Variants in ITGB5 observed in about 807,000 individuals in gnomAD.
ITGB5 encodes integrin beta-5.
ITGB5 carries 38 observed loss-of-function variants against 84.8 expected under a neutral mutation model. The ratio of observed to expected loss-of-function variants is 0.45; its 90% CI spans 0.35 to 0.59. The LOEUF (loss-of-function observed/expected upper bound fraction) is 0.59, where lower values mean the gene tolerates loss of function less well. ITGB5 is among the 20% of genes least tolerant of loss of function. ITGB5 has a pLI of 0.01. For synonymous variants in ITGB5, 393 were observed against 414.4 expected (o/e 0.95, Z 0.63); for missense variants, 905 against 1,034.5 (o/e 0.87, Z 1.72).
At chr3:124,818,459 TG>T (rs1209244057) in intron 7 of ITGB5, among the ~76,000 whole-genome samples, 2 of 150,872 alleles carry the variant, frequency 1.3e-5, no homozygotes, top group African/African-American at 2.4e-5. Flanking sequence ...TCTGTGCAAT[TG>T]AGCCCTCTAA....
At position 124,789,366 on chromosome 3, in the gene ITGB5, A is replaced by AACTAGACAGGGTTAACAGAACCGCCTCTG. The variant is rs1559933765; in HGVS notation, c.1693+6993_1693+7021dup. 2.8e-3 allele frequency among the ~76,000 whole-genome samples: 420 copies of AACTAGACAGGGTTAACAGAACCGCCTCTG among 150,968 alleles called. 5 individuals are homozygous for AACTAGACAGGGTTAACAGAACCGCCTCTG. Among genetic ancestry groups the AACTAGACAGGGTTAACAGAACCGCCTCTG allele is most frequent in the African/African-American group, 0.01 (410 of 40,576 alleles). ...AGACAGGGTTATCAGAACTGCCTTT[A>AACTAGACAGGGTTAACAGAACCGCCTCTG]ACTAGACAGGGTTAACAGAACCGCC... On this transcript the variant is annotated intron_variant, in intron 10 of 14. Coordinates refer to ENST00000296181, the MANE Select transcript of ITGB5 (RefSeq NM_002213.5).
chr3:124,818,102 A>G (rs61760581), intron 7 of ITGB5, among the ~76,000 whole-genome samples: 3,757 of 152,180 alleles, frequency 0.025, 177 homozygotes, highest in African/African-American at 0.085. Context: ...TTCAGCTTTC[A>G]GGATCTGCTC....
chr3:124,820,473 G>A (rs557544670), intron 6 of ITGB5, among the ~76,000 whole-genome samples: 2 of 152,286 alleles, frequency 1.3e-5, no homozygotes, highest in East Asian at 3.9e-4. Flanking sequence ...TGGGTACAGG[G>A]GCCCGCATCT....
At chr3:124,869,165 C>A (rs1299915163) in intron 2 of ITGB5, among the ~76,000 whole-genome samples, 1 of 152,168 alleles carries the variant, frequency 6.6e-6, no homozygotes, top group African/African-American at 2.4e-5. Context: ...TGGGCAGCAA[C>A]CCTCAGTGTA....
At chr3:124,888,021 T>G (rs958171278), upstream of ITGB5, among the ~76,000 whole-genome samples, 1 of 150,780 alleles carries the variant, frequency 6.6e-6, no homozygotes, top group African/African-American at 2.5e-5. Context: ...GGCTCAAAGG[T>G]TCCTCCACCT....
At chr3:124,781,742 C>T (rs1418761221) in intron 10 of ITGB5, among the ~76,000 whole-genome samples, 1 of 152,188 alleles carries the variant, frequency 6.6e-6, no homozygotes, top group Non-Finnish European at 1.5e-5. Context: ...AAAGAAAGCA[C>T]AGCTCTCCCT....
At chr3:124,818,923 G>A (rs1235655432) in intron 7 of ITGB5, among the ~76,000 whole-genome samples, 1 of 152,180 alleles carries the variant, frequency 6.6e-6, no homozygotes, top group African/African-American at 2.4e-5. Flanking sequence ...GGGGTGGAGG[G>A]TGGAGAGGGA....
chr3:124,766,059 CA>C (rs376914121), intron 13 of ITGB5, among the ~76,000 whole-genome samples, 166 bp downstream of exon 13: 21,133 of 104,342 alleles, frequency 0.2, 1,523 homozygotes, highest in Admixed American at 0.3. Context: ...CAGCCTGTGT[CA>C]AAAAAAAAAA....
chr3:124,887,953 C>G (rs1408866245), upstream of ITGB5: 6 of 239,406 alleles, frequency 2.5e-5, no homozygotes, highest in Admixed American at 9.7e-5. Flanking sequence ...GCGTCTTGCT[C>G]TCACTCAGGC....
intron 10 of ITGB5, among the ~76,000 whole-genome samples, chr3:124,785,457 C>A (rs1208156349): frequency 6.6e-6 from 1 of 151,878 alleles, no homozygotes; most frequent in Middle Eastern, 3.4e-3. Flanking sequence ...TGGTGGCAGG[C>A]GCCTGTAATC....
intron 5 of ITGB5, among the ~76,000 whole-genome samples, chr3:124,832,422 C>A (rs905541931): frequency 6.6e-6 from 1 of 152,190 alleles, no homozygotes; most frequent in Non-Finnish European, 1.5e-5. Context: ...GATAGTAAAG[C>A]CACCTTCAAA....
chr3:124,892,962 C>T (rs1031984210), intron 1 of ITGB5, among the ~76,000 whole-genome samples: 3 of 152,206 alleles, frequency 2.0e-5, no homozygotes, highest in Admixed American at 6.5e-5. Flanking sequence ...ACAGTATACC[C>T]CTTAGTTTAG....
At chr3:124,826,715 T>C (rs1310836400) in intron 5 of ITGB5, among the ~76,000 whole-genome samples, 1 of 152,204 alleles carries the variant, frequency 6.6e-6, no homozygotes, top group Admixed American at 6.5e-5. Flanking sequence ...TGGTTCATGA[T>C]GGGCTCTCAA....
intron 1 of ITGB5, among the ~76,000 whole-genome samples, chr3:124,886,032 A>C (rs966585283): frequency 2.6e-5 from 4 of 152,190 alleles, no homozygotes; most frequent in Non-Finnish European, 5.9e-5. Context: ...AAACAAGTGC[A>C]TCCTTCCTCG....
intron 9 of ITGB5, among the ~76,000 whole-genome samples, chr3:124,804,774 C>A (rs1388574898): frequency 6.6e-6 from 1 of 152,078 alleles, no homozygotes; most frequent in African/African-American, 2.4e-5. Flanking sequence ...TTGAGCGATT[C>A]TCCTGCCTCA....
At chr3:124,892,439 C>T (rs1935018819), upstream of ITGB5, among the ~76,000 whole-genome samples, 1 of 148,932 alleles carries the variant, frequency 6.7e-6, no homozygotes, top group Non-Finnish European at 1.5e-5. Context: ...AATCCCAGCA[C>T]TTTGGGAGGA....
At chr3:124,786,435 C>G (rs1465035599) in intron 10 of ITGB5, among the ~76,000 whole-genome samples, 1 of 152,002 alleles carries the variant, frequency 6.6e-6, no homozygotes, top group Non-Finnish European at 1.5e-5. Context: ...CCTTGTGTTA[C>G]TATAGTTTTG....
intron 1 of ITGB5, among the ~76,000 whole-genome samples, chr3:124,882,223 T>TCTAGG: frequency 6.6e-6 from 1 of 152,216 alleles, no homozygotes; most frequent in Non-Finnish European, 1.5e-5. Context: ...GACTCCCTTA[T>TCTAGG]TCACGGAGCT....
At chr3:124,882,330 G>C (rs578010782) in intron 1 of ITGB5, among the ~76,000 whole-genome samples, 2 of 152,206 alleles carry the variant, frequency 1.3e-5, no homozygotes, top group Non-Finnish European at 2.9e-5. Flanking sequence ...AAAAATTAAA[G>C]AAGAAAAGCA....
Sources: gnomAD v4.1 joint callset for allele counts (sites outside exome capture counted in the v4.1 genomes callset) on GRCh38, gnomAD v4.1.1 for gene constraint, MANE v1.5 for transcripts, NCBI Gene and HGNC (gene_info 2026-07-23, HGNC 2026-07-21) for gene names.